Variants in PHF3 observed in about 807,000 individuals in gnomAD.
PHF3 encodes PHD finger protein 3.
A neutral mutation model predicts 178.4 loss-of-function variants in PHF3; 41 were observed. The observed-to-expected ratio is 0.23, with a 90% CI of 0.18 to 0.30. The LOEUF (loss-of-function observed/expected upper bound fraction) is 0.30, where lower values mean the gene tolerates loss of function less well. PHF3 is among the 10% of genes least tolerant of loss of function. The pLI, the probability that PHF3 is intolerant of heterozygous loss-of-function variation, is 1.00. For missense variants in PHF3, 2,346 were observed against 2,398.1 expected (o/e 0.98, Z 0.45); for synonymous variants, 842 against 800.5 (o/e 1.05, Z -0.88).
At chr6:63,700,037 A>G (rs140066847) in intron 8 of PHF3, among the ~76,000 whole-genome samples, 1 of 152,254 alleles carries the variant, frequency 6.6e-6, no homozygotes, top group African/African-American at 2.4e-5. Flanking sequence ...ACCTCGCTAT[A>G]CTATAGATTG....
intron 3 of PHF3, among the ~76,000 whole-genome samples, chr6:63,682,857 CTTTA>C (rs1243948537): frequency 1.3e-5 from 2 of 151,920 alleles, no homozygotes; most frequent in African/African-American, 4.8e-5. Context: ...GTTAAAAGAT[CTTTA>C]TTTATTAATG....
At chr6:63,660,220 A>T (rs892719386) in intron 2 of PHF3, among the ~76,000 whole-genome samples, 2 of 152,044 alleles carry the variant, frequency 1.3e-5, no homozygotes, top group Non-Finnish European at 1.5e-5. Context: ...TGATTTTGTT[A>T]ATCTTGAATA....
In PHF3 at chr6:63,646,641, CTG is replaced by C; in HGVS notation, c.93_94del (p.Cys31Ter). The C allele has an allele frequency of 6.2e-7, 1 of 1,613,758 alleles. No individual in the cohort carries two copies. On this transcript the variant is annotated frameshift_variant, in exon 2 of 16. Transcript: ENST00000262043. LOFTEE classifies it high-confidence loss of function. ...TAGGATCCAACCTGGAGAATGAAGT[CTG>C]TGAGGATTTTAGTGCAAGTCAAAAT... ...FLGSNLENEV[C>X]EDFSASQNVL...
intron 2 of PHF3, among the ~76,000 whole-genome samples, chr6:63,663,992 C>CTATCAG (rs1442927427): frequency 2.0e-5 from 3 of 152,188 alleles, no homozygotes; most frequent in Non-Finnish European, 4.4e-5. Context: ...GTAACCTCAT[C>CTATCAG]TATCAGTAAG....
intron 3 of PHF3, among the ~76,000 whole-genome samples, chr6:63,683,862 T>C (rs1201464317): frequency 3.3e-5 from 5 of 152,106 alleles, no homozygotes; most frequent in African/African-American, 1.2e-4. Flanking sequence ...ACATTTCTTT[T>C]AATAAGGTAT....
chr6:63,682,468 TC>T (rs1165269193), intron 3 of PHF3, among the ~76,000 whole-genome samples: 5 of 152,166 alleles, frequency 3.3e-5, no homozygotes, highest in African/African-American at 1.2e-4. Context: ...CTCTCGTTCT[TC>T]CTTGCCTTTT....
intron 11 of PHF3, among the ~76,000 whole-genome samples, chr6:63,704,836 T>C (rs1181987558): frequency 6.6e-6 from 1 of 152,188 alleles, no homozygotes; most frequent in East Asian, 1.9e-4. Context: ...TCACAGAGGC[T>C]GAGCCATTTT....
rs563939721 is a variant in PHF3, at chr6:63,724,311, T to G, written c.*10603T>G. 1.2e-4 allele frequency among the ~76,000 whole-genome samples: 18 copies of G among 152,306 alleles called. No individual in the cohort carries two copies. The highest frequency in any genetic ancestry group is 5.2e-4 in the Admixed American group (8 of 15,294). ...TGCTTTATTATAGATAAGAGAAACC[T>G]TGTAGGACCTAATATTTGTGAAGAG... On this transcript the variant is annotated 3_prime_UTR_variant, in exon 16 of 16. Transcript: ENST00000262043.
intron 13 of PHF3, 60 bp downstream of exon 13, chr6:63,706,936 A>G: frequency 6.9e-7 from 1 of 1,441,386 alleles, no homozygotes; most frequent in Non-Finnish European, 9.7e-7. Context: ...TCTGAAAGTA[A>G]TTGACAGGGA....
rs1768260243 is a variant in PHF3, at chr6:63,718,598, T to C, written c.*4890T>C. On this transcript the variant is annotated 3_prime_UTR_variant, in exon 16 of 16. Transcript: ENST00000262043. ...CTCTTACCTGCCCTGCATTCAGTGT[T>C]TTGTAGTATGTCATTTTATTTGAAA... 6.6e-6 allele frequency among the ~76,000 whole-genome samples: 1 copy of C among 152,020 alleles called. No homozygotes were observed. The highest frequency in any genetic ancestry group is 2.1e-4 in the South Asian group (1 of 4,832).
Position 63,713,771 on chromosome 6 carries a change from AAAG to A in PHF3, c.*66_*68del. The A allele has an allele frequency of 7.5e-7, 1 of 1,329,766 alleles. No homozygotes were observed. The highest frequency in any genetic ancestry group is 1.0e-6 in the Non-Finnish European group (1 of 985,348). 82.4% of individuals were successfully genotyped at this position (1,329,766 alleles called of 1,614,324 possible). On this transcript the variant is annotated 3_prime_UTR_variant, in exon 16 of 16. Transcript: ENST00000262043. ...GTTAAAATGTTGTATCTTGTAAACA[AAAG>A]AAAGATTGCCTGCTAGGATTGTGCC...
intron 2 of PHF3, among the ~76,000 whole-genome samples, chr6:63,671,468 C>T (rs564517975): frequency 0.012 from 1,819 of 152,220 alleles, 29 homozygotes; most frequent in African/African-American, 0.042. Context: ...TGTCTAATTG[C>T]TTTTTGGTGG....
chr6:63,693,494 A>G (rs1382015286), intron 5 of PHF3, among the ~76,000 whole-genome samples: 4 of 152,198 alleles, frequency 2.6e-5, no homozygotes, highest in Admixed American at 2.6e-4. Flanking sequence ...GCATGCCTGT[A>G]ATCCCAGCTG....
In PHF3 at chr6:63,720,415, T is replaced by C. The variant is rs1266704580; in HGVS notation, c.*6707T>C. 1 of 525,624 alleles carries C rather than the reference T, an allele frequency of 1.9e-6. No individual in the cohort carries two copies. Among genetic ancestry groups the C allele is most frequent in the Non-Finnish European group, 3.3e-6 (1 of 305,578 alleles). The allele number at this position is 525,624 out of a possible 1,614,324, so 32.6% of individuals were successfully genotyped here. On this transcript the variant is annotated 3_prime_UTR_variant, in exon 16 of 16. Coordinates refer to ENST00000262043, the MANE Select transcript of PHF3 (RefSeq NM_001370348.2). ...AAAATATATACAGATAAATTAGATG[T>C]AGGAAAAACAATCAGAACCTTCAGT...
In PHF3 at chr6:63,698,266, A is replaced by C; in HGVS notation, c.2724A>C (p.Lys908Asn). The C allele has an allele frequency of 6.2e-7, 1 of 1,612,298 alleles. No homozygotes were observed. The highest frequency in any genetic ancestry group is 8.5e-7 in the Non-Finnish European group (1 of 1,178,814). ...KQEMKKKKVE[K>N]GVLNVHPAAS... ...AGATGAAAAAGAAGAAAGTTGAAAAAGGAGTGCTTAATGTACATCCTGCTG... is the reference window on the plus strand; with the variant it reads ...AGATGAAAAAGAAGAAAGTTGAAAACGGAGTGCTTAATGTACATCCTGCTG... Residue 908 changes from lysine (K) to asparagine (N), a missense_variant, in exon 7 of 16, where the codon AAA (lysine) becomes AAC (asparagine). Coordinates refer to ENST00000262043, the MANE Select transcript of PHF3 (RefSeq NM_001370348.2).
intron 4 of PHF3, chr6:63,686,237 T>A (rs757307868): frequency 3.8e-6 from 1 of 263,220 alleles, no homozygotes. Context: ...ATTGGAAAAT[T>A]GTTATACTGC....
intron 1 of PHF3, among the ~76,000 whole-genome samples, chr6:63,639,190 A>G (rs1201154337): frequency 6.6e-6 from 1 of 152,172 alleles, no homozygotes; most frequent in Non-Finnish European, 1.5e-5. Context: ...GAAATAGTTC[A>G]GTAAAAATTT....
intron 4 of PHF3, among the ~76,000 whole-genome samples, chr6:63,689,655 T>C (rs563122111): frequency 6.6e-6 from 1 of 152,322 alleles, no homozygotes; most frequent in African/African-American, 2.4e-5. Context: ...TTATAGCCTC[T>C]CAAGTTTGAA....
intron 2 of PHF3, among the ~76,000 whole-genome samples, chr6:63,667,365 A>G (rs1765723998): frequency 6.6e-6 from 1 of 152,214 alleles, no homozygotes; most frequent in Admixed American, 6.5e-5. Context: ...AAAATTTAAA[A>G]CATACTGAAA....
Sources: allele counts gnomAD v4.1 joint callset (sites outside exome capture counted in the v4.1 genomes callset), GRCh38; gene constraint gnomAD v4.1.1; transcripts MANE v1.5; gene names NCBI Gene and HGNC (gene_info 2026-07-23, HGNC 2026-07-21).